Variants in DIAPH2 observed in about 807,000 individuals in gnomAD.
DIAPH2 encodes diaphanous related formin 2.
Under a neutral mutation model 92.7 loss-of-function variants are expected in DIAPH2, and 35 were observed. The ratio of observed to expected loss-of-function variants is 0.38; its 90% CI spans 0.29 to 0.50. The LOEUF is 0.50. DIAPH2 is among the 20% of genes least tolerant of loss of function. The pLI is 0.94. For missense variants in DIAPH2, 701 were observed against 819.5 expected, an observed-to-expected ratio of 0.86 and a Z score of 1.77; for synonymous variants, 301 against 280.4, an observed-to-expected ratio of 1.07 and a Z score of -0.73.
intron 5 of DIAPH2, among the ~76,000 whole-genome samples, chrX:96,898,005 T>A (rs1452430864): frequency 2.4e-3 from 216 of 89,090 alleles, no homozygotes; most frequent in African/African-American, 8.7e-3. Flanking sequence ...GATAGTTTAC[T>A]GAGAATGATG....
At chrX:97,045,523 G>A (rs1274744579) in intron 17 of DIAPH2, among the ~76,000 whole-genome samples, 1 of 111,565 alleles carries the variant, frequency 9.0e-6, no homozygotes, top group Non-Finnish European at 1.9e-5. Context: ...TTACAGGATA[G>A]AAGCCCTGAT....
intron 26 of DIAPH2, among the ~76,000 whole-genome samples, chrX:97,447,674 C>T (rs1420926655): frequency 1.8e-5 from 2 of 111,635 alleles, no homozygotes; most frequent in Non-Finnish European, 3.8e-5. Context: ...CAGGGAAAAT[C>T]CTCCACAGGC....
chrX:96,749,372 C>T (rs1362026733), intron 3 of DIAPH2, among the ~76,000 whole-genome samples: 2 of 110,286 alleles, frequency 1.8e-5, no homozygotes, highest in Non-Finnish European at 3.8e-5. Flanking sequence ...AACAGTGTCA[C>T]TATGTCATTT....
At chrX:97,311,973 G>A (rs748819148) in intron 23 of DIAPH2, among the ~76,000 whole-genome samples, 15 of 110,061 alleles carry the variant, frequency 1.4e-4, no homozygotes, top group South Asian at 4.0e-4. Flanking sequence ...GACTACAGGC[G>A]CCCGCCACCA....
chrX:96,975,447 G>A (rs1452285382), intron 17 of DIAPH2, among the ~76,000 whole-genome samples: 3 of 111,884 alleles, frequency 2.7e-5, no homozygotes, highest in Admixed American at 1.9e-4. Flanking sequence ...TGGTGCTAAC[G>A]TGTCCAGAGA....
intron 16 of DIAPH2, among the ~76,000 whole-genome samples, chrX:96,960,390 A>AT (rs888675513): frequency 1.6e-3 from 175 of 106,438 alleles, no homozygotes; most frequent in Non-Finnish European, 2.5e-3. Flanking sequence ...TTGCCTTTTT[A>AT]TTTTTTTTTC....
At chrX:97,340,356 A>T (rs1052066387) in intron 23 of DIAPH2, among the ~76,000 whole-genome samples, 35 of 111,242 alleles carry the variant, frequency 3.1e-4, no homozygotes, top group African/African-American at 1.1e-3. Context: ...GCCGAGTCAC[A>T]CCAATCATAA....
intron 24 of DIAPH2, among the ~76,000 whole-genome samples, chrX:97,368,973 T>A (rs2069413286): frequency 1.1e-5 from 1 of 93,991 alleles, no homozygotes; most frequent in African/African-American, 3.9e-5. Context: ...TGGCACGATC[T>A]TGGCTCACTG....
At chrX:97,161,676 G>A (rs1013696603) in intron 22 of DIAPH2, among the ~76,000 whole-genome samples, 2 of 111,779 alleles carry the variant, frequency 1.8e-5, no homozygotes, top group Non-Finnish European at 3.8e-5. Flanking sequence ...CTACTCCTGA[G>A]CAGGAGAGTG....
chrX:96,820,331 A>G (rs950913931), intron 4 of DIAPH2, among the ~76,000 whole-genome samples: 1 of 111,414 alleles, frequency 9.0e-6, no homozygotes, highest in Admixed American at 9.5e-5. Context: ...TTATTTGGGC[A>G]TGGCGGTGCA....
chrX:97,599,045 G>A (rs1006111593), intron 26 of DIAPH2, among the ~76,000 whole-genome samples: 4 of 112,335 alleles, frequency 3.6e-5, no homozygotes, highest in Non-Finnish European at 7.5e-5. Flanking sequence ...ACCAAGAAAA[G>A]TCATTTATTG....
chrX:97,562,973 G>A, intron 26 of DIAPH2, among the ~76,000 whole-genome samples: 1 of 112,166 alleles, frequency 8.9e-6, no homozygotes, highest in Middle Eastern at 4.7e-3. Flanking sequence ...AGCTATAATA[G>A]AATTTCACAA....
At chrX:97,264,442 C>G (rs1263542532) in intron 23 of DIAPH2, among the ~76,000 whole-genome samples, 3 of 111,665 alleles carry the variant, frequency 2.7e-5, no homozygotes, top group South Asian at 3.7e-4. Context: ...CAGACACACA[C>G]ACACACACAC....
At chrX:97,387,979 G>A (rs1463108398) in intron 25 of DIAPH2, among the ~76,000 whole-genome samples, 1 of 112,096 alleles carries the variant, frequency 8.9e-6, no homozygotes, top group Non-Finnish European at 1.9e-5. Context: ...ACTCAGGAAA[G>A]AAGTCTAAAC....
At chrX:97,374,456 AAAG>A (rs2069480022) in intron 24 of DIAPH2, among the ~76,000 whole-genome samples, 1 of 112,128 alleles carries the variant, frequency 8.9e-6, no homozygotes, top group Admixed American at 9.5e-5. Context: ...CCCCAGTGAG[AAAG>A]AAGTTCTACT....
At chrX:97,183,152 T>A (rs748753179) in intron 22 of DIAPH2, among the ~76,000 whole-genome samples, 5 of 111,585 alleles carry the variant, frequency 4.5e-5, no homozygotes, top group Non-Finnish European at 9.4e-5. Context: ...TTTTGCGAAT[T>A]TGTTTTTATT....
intron 14 of DIAPH2, among the ~76,000 whole-genome samples, chrX:96,945,913 T>TG: frequency 8.9e-6 from 1 of 112,070 alleles, no homozygotes; most frequent in Middle Eastern, 4.6e-3. Flanking sequence ...TTTGCTTTCT[T>TG]GCAGCTGTCG....
chrX:97,408,548 T>A (rs2069833623), intron 25 of DIAPH2, among the ~76,000 whole-genome samples: 2 of 111,632 alleles, frequency 1.8e-5, no homozygotes, highest in Admixed American at 9.6e-5. Context: ...TCTACCTGAA[T>A]TTTAATTATT....
intron 26 of DIAPH2, among the ~76,000 whole-genome samples, chrX:97,576,623 A>C (rs1318047734): frequency 9.0e-6 from 1 of 111,637 alleles, no homozygotes; most frequent in Non-Finnish European, 1.9e-5. Context: ...GATTCAGGAT[A>C]GGCCAATTCA....
Sources: gnomAD v4.1 joint callset for allele counts (sites outside exome capture counted in the v4.1 genomes callset) on GRCh38, gnomAD v4.1.1 for gene constraint, MANE v1.5 for transcripts, NCBI Gene and HGNC (gene_info 2026-07-23, HGNC 2026-07-21) for gene names.